ARHGEF3: variants seen among roughly 807,000 people sequenced by gnomAD.
ARHGEF3 encodes the protein Rho guanine nucleotide exchange factor 3.
In ARHGEF3, 28 loss-of-function variants were observed where a neutral mutation model predicts 63.2. The observed-to-expected ratio is 0.44, with a 90% CI of 0.33 to 0.61. The LOEUF is 0.61. Ranked by LOEUF, ARHGEF3 falls within the 20% of genes least tolerant of loss-of-function variation. The pLI is 0.03. For synonymous variants in ARHGEF3, 266 were observed against 254.2 expected (o/e 1.05, Z -0.44); for missense variants, 533 against 659.3 (o/e 0.81, Z 2.10).
chr3:57,011,479 G>T (rs907941138), intron 2 of ARHGEF3, among the ~76,000 whole-genome samples: 35 of 152,112 alleles, frequency 2.3e-4, no homozygotes, highest in African/African-American at 8.0e-4. Context: ...CAAGGGAGTG[G>T]GGTGAGGTGG....
At position 57,016,795 on chromosome 3, in the gene ARHGEF3, T is replaced by C. The variant is rs575427183; in HGVS notation, c.62+18293A>G. Among the ~76,000 whole-genome samples the C allele has an allele frequency of 3.9e-5, 6 of 152,100 alleles. No homozygotes were observed. The East Asian group carries it at 1.2e-3, about 29-fold the overall frequency. On this transcript the variant is annotated intron_variant, in intron 2 of 12. Transcript: ENST00000338458. ...CCCCCAGGTCTATTCTTATATCCCC[T>C]TTTCCCTGGTGTGGGGGAGGGGTCT... is the stretch of plus-strand genomic sequence containing the variant.
intron 3 of ARHGEF3, among the ~76,000 whole-genome samples, chr3:56,915,565 A>T (rs2041966145): frequency 6.6e-6 from 1 of 152,184 alleles, no homozygotes; most frequent in African/African-American, 2.4e-5. Flanking sequence ...GGGATAGGGA[A>T]TGTAACCTTC....
At chr3:57,060,284 G>A (rs1579190593) in intron 1 of ARHGEF3, among the ~76,000 whole-genome samples, 2 of 143,972 alleles carry the variant, frequency 1.4e-5, no homozygotes, top group Middle Eastern at 7.0e-3. Flanking sequence ...CTGGGCGACA[G>A]AGCTGAGATT....
chr3:57,029,900 G>A (rs372666554), intron 2 of ARHGEF3, among the ~76,000 whole-genome samples: 1 of 152,218 alleles, frequency 6.6e-6, no homozygotes, highest in East Asian at 1.9e-4. Flanking sequence ...TCTGGAGGGT[G>A]GGGGAAGCAG....
intron 4 of ARHGEF3, among the ~76,000 whole-genome samples, chr3:56,869,008 T>C (rs1415862038): frequency 6.6e-6 from 1 of 152,236 alleles, no homozygotes; most frequent in Non-Finnish European, 1.5e-5. Flanking sequence ...TAAAACAATA[T>C]TTTCTTCAAT....
rs548936652 is a variant in ARHGEF3, at chr3:56,739,891, A to G, written c.871-2536T>C. 5.4e-3 allele frequency among the ~76,000 whole-genome samples: 813 copies of G among 150,266 alleles called. 9 individuals are homozygous for G. The highest frequency in any genetic ancestry group is 0.019 in the African/African-American group (783 of 40,672). On this transcript the variant is annotated intron_variant, in intron 7 of 9. Coordinates refer to ENST00000296315, the MANE Select transcript of ARHGEF3 (RefSeq NM_019555.3). ...TCTGTATATTTTTGTAGCTATTAAGAGTTTCAAAGATTTTTTTTTTTTTTT... is the reference window on the plus strand; with the variant it reads ...TCTGTATATTTTTGTAGCTATTAAGGGTTTCAAAGATTTTTTTTTTTTTTT...
chr3:56,744,055 A>G (rs373321066), intron 7 of ARHGEF3, among the ~76,000 whole-genome samples: 20 of 152,322 alleles, frequency 1.3e-4, no homozygotes, highest in African/African-American at 4.6e-4. Flanking sequence ...TCTTAAATTG[A>G]TATTTAAAAA....
chr3:56,853,308 C>T (rs2039741497), intron 4 of ARHGEF3, among the ~76,000 whole-genome samples: 1 of 152,180 alleles, frequency 6.6e-6, no homozygotes, highest in Non-Finnish European at 1.5e-5. Context: ...CTTTGCTGCT[C>T]AACAGTTATT....
At chr3:56,788,202 C>A (rs534375935) in intron 1 of ARHGEF3, among the ~76,000 whole-genome samples, 2 of 152,272 alleles carry the variant, frequency 1.3e-5, no homozygotes, top group Admixed American at 1.3e-4. Flanking sequence ...CACTTGAGGA[C>A]TGGGGGGTGG....
intron 4 of ARHGEF3, among the ~76,000 whole-genome samples, chr3:56,863,419 C>T (rs777716304): frequency 1.1e-4 from 17 of 152,134 alleles, no homozygotes; most frequent in African/African-American, 4.1e-4. Flanking sequence ...CTCACCTCAG[C>T]CTCCGGAGGA....
intron 3 of ARHGEF3, among the ~76,000 whole-genome samples, chr3:56,943,858 G>A (rs1483054166): frequency 6.6e-6 from 1 of 150,912 alleles, no homozygotes. Context: ...GAGGTGCAGT[G>A]AGCCAGGATC....
chr3:56,945,906 G>A (rs1699469775), intron 3 of ARHGEF3, among the ~76,000 whole-genome samples: 1 of 152,180 alleles, frequency 6.6e-6, no homozygotes. Flanking sequence ...ACCTCACACG[G>A]CCGGGTACTC....
intron 1 of ARHGEF3, among the ~76,000 whole-genome samples, chr3:57,057,967 G>A (rs1705017160): frequency 6.6e-6 from 1 of 152,174 alleles, no homozygotes; most frequent in South Asian, 2.1e-4. Context: ...TAGCAACTCT[G>A]ATAAAATTTC....
chr3:57,024,963 G>C (rs542994936), intron 2 of ARHGEF3, among the ~76,000 whole-genome samples: 1 of 152,302 alleles, frequency 6.6e-6, no homozygotes, highest in East Asian at 1.9e-4. Flanking sequence ...TCACCCACGA[G>C]GGCCTCTCAC....
intron 4 of ARHGEF3, among the ~76,000 whole-genome samples, chr3:56,878,078 T>C (rs964858314): frequency 1.3e-5 from 2 of 152,212 alleles, no homozygotes; most frequent in South Asian, 2.1e-4. Context: ...TACTTTATCA[T>C]TGGAGGCTAT....
intron 9 of ARHGEF3, 45 bp from the exon 10 acceptor site, chr3:56,729,667 C>T: frequency 1.3e-6 from 2 of 1,482,152 alleles, no homozygotes; most frequent in Non-Finnish European, 1.8e-6. Flanking sequence ...TGGACAGATC[C>T]TTCCTCAGGC....
Position 56,751,209 on chromosome 3 carries a change from C to T in ARHGEF3, c.536-77G>A, listed in dbSNP as rs1386255324. ...GGCTGGAAGTAGGTTCTGGGTTATT[C>T]ACATTGCAGGCAATTAATAATCACT... On this transcript the variant is annotated intron_variant, in intron 5 of 9. Transcript: ENST00000296315. 12 of 1,550,380 alleles carry T rather than the reference C, an allele frequency of 7.7e-6. No homozygotes were observed. In the East Asian group the frequency reaches 2.2e-4, roughly 29 times the overall value.
At chr3:56,841,511 A>C (rs186150171) in intron 4 of ARHGEF3, among the ~76,000 whole-genome samples, 1 of 152,296 alleles carries the variant, frequency 6.6e-6, no homozygotes, top group East Asian at 1.9e-4. Flanking sequence ...GTAGCTGAAT[A>C]AACTTCACTT....
intron 2 of ARHGEF3, among the ~76,000 whole-genome samples, chr3:56,959,361 C>T (rs1292329601): frequency 1.3e-5 from 2 of 152,086 alleles, no homozygotes; most frequent in Non-Finnish European, 2.9e-5. Context: ...ATTTAGCCCC[C>T]GCGTAACAAG....
Sources: gnomAD v4.1 joint callset for allele counts (sites outside exome capture counted in the v4.1 genomes callset) on GRCh38, gnomAD v4.1.1 for gene constraint, MANE v1.5 for transcripts, NCBI Gene and HGNC (gene_info 2026-07-23, HGNC 2026-07-21) for gene names.